The following CHCHD3 variants were observed in gnomAD, a reference collection of about 807,000 sequenced individuals.
CHCHD3 encodes the protein coiled-coil-helix-coiled-coil-helix domain containing 3.
A neutral mutation model predicts 38.2 loss-of-function variants in CHCHD3; 20 were observed. The observed-to-expected ratio is 0.52, with a 90% CI of 0.37 to 0.76. The LOEUF is 0.76. CHCHD3 is among the 30% of genes least tolerant of loss of function. The probability of loss-of-function intolerance (pLI) is 0.00; values close to 1 mark genes in which losing one functional copy is unlikely to be tolerated. For missense variants in CHCHD3, 245 were observed against 279.2 expected, an observed-to-expected ratio of 0.88 and a Z score of 0.87; for synonymous variants, 82 against 100.0, an observed-to-expected ratio of 0.82 and a Z score of 1.07.
At chr7:133,055,449 T>C (rs1344136005) in intron 2 of CHCHD3, among the ~76,000 whole-genome samples, 1 of 145,360 alleles carries the variant, frequency 6.9e-6, no homozygotes, top group Non-Finnish European at 1.5e-5. Context: ...GTATTTATTA[T>C]AATTAATTAT....
intron 6 of CHCHD3, among the ~76,000 whole-genome samples, chr7:132,822,219 T>C (rs1192090370): frequency 6.6e-6 from 1 of 152,204 alleles, no homozygotes; most frequent in African/African-American, 2.4e-5. Flanking sequence ...GAGGTATGGA[T>C]TGACATTTCT....
At chr7:132,845,079 G>A (rs1808042544) in intron 5 of CHCHD3, 1 of 152,194 alleles carries the variant, frequency 6.6e-6, no homozygotes, top group African/African-American at 2.4e-5. Flanking sequence ...AGTACAGCAT[G>A]GTGGTTAAGA....
chr7:132,973,878 T>C (rs936707273), intron 4 of CHCHD3: 3 of 1,176,510 alleles, frequency 2.5e-6, no homozygotes, highest in Middle Eastern at 2.4e-4. Context: ...CATTCCATGG[T>C]CCCATTTTCC....
At chr7:132,810,075 T>C (rs1807029054) in intron 6 of CHCHD3, among the ~76,000 whole-genome samples, 1 of 152,178 alleles carries the variant, frequency 6.6e-6, no homozygotes, top group Non-Finnish European at 1.5e-5. Context: ...GAAAAGAACT[T>C]AGAAGGTGAG....
chr7:132,845,048 C>T (rs964212563), intron 5 of CHCHD3: 1 of 152,156 alleles, frequency 6.6e-6, no homozygotes, highest in African/African-American at 2.4e-5. Flanking sequence ...GAACTCCGCA[C>T]TTAGGTGGGC....
At chr7:132,930,694 A>G (rs1029269407) in intron 4 of CHCHD3, among the ~76,000 whole-genome samples, 3 of 152,090 alleles carry the variant, frequency 2.0e-5, no homozygotes, top group Admixed American at 2.0e-4. Flanking sequence ...TCCTGTTATC[A>G]GCCCTCCCTC....
At chr7:132,786,358 C>A (rs947243923) in intron 7 of CHCHD3, among the ~76,000 whole-genome samples, 2 of 152,126 alleles carry the variant, frequency 1.3e-5, no homozygotes. Flanking sequence ...AGGGGGAGAA[C>A]GCAGATGTTC....
intron 7 of CHCHD3, 22 bp from the exon 8 acceptor site, chr7:132,785,682 T>G: frequency 6.2e-7 from 1 of 1,613,006 alleles, no homozygotes; most frequent in African/African-American, 1.3e-5. Flanking sequence ...ACAGAAAGAG[T>G]AAGTTTTACC....
chr7:132,811,785 T>C (rs1289651197), intron 6 of CHCHD3, among the ~76,000 whole-genome samples: 1 of 152,198 alleles, frequency 6.6e-6, no homozygotes, highest in Non-Finnish European at 1.5e-5. Context: ...CTCATTGTCT[T>C]CTAACTGATC....
At chr7:132,805,078 G>A (rs1207450753) in intron 6 of CHCHD3, among the ~76,000 whole-genome samples, 1 of 152,232 alleles carries the variant, frequency 6.6e-6, no homozygotes, top group African/African-American at 2.4e-5. Context: ...AATGTCATGT[G>A]GACATCAGAG....
intron 6 of CHCHD3, among the ~76,000 whole-genome samples, chr7:132,833,639 T>C (rs1807701317): frequency 6.6e-6 from 1 of 152,202 alleles, no homozygotes; most frequent in Non-Finnish European, 1.5e-5. Context: ...ACACAGGGGC[T>C]CTATGAATGA....
At chr7:132,961,283 C>A (rs903024734) in intron 4 of CHCHD3, among the ~76,000 whole-genome samples, 1 of 152,020 alleles carries the variant, frequency 6.6e-6, no homozygotes, top group Non-Finnish European at 1.5e-5. Context: ...CCCTGTCCCA[C>A]AAATATATTA....
chr7:132,993,615 C>G (rs1812338945), intron 3 of CHCHD3, among the ~76,000 whole-genome samples: 3 of 152,224 alleles, frequency 2.0e-5, no homozygotes, highest in Admixed American at 2.0e-4. Context: ...GAAGGATCCA[C>G]TAAGTGGTGG....
rs537670747 is a variant in CHCHD3 at position 132,984,972 on chromosome 7, C to A, written c.252-9686G>T. Among the ~76,000 whole-genome samples the A allele has an allele frequency of 9.9e-4, 73 of 73,584 alleles. 5 individuals carry two copies. Among genetic ancestry groups the A allele is most frequent in the African/African-American group, 3.4e-3 (66 of 19,334 alleles). The allele number at this position is 73,584 out of a possible 152,430, so 48.3% of individuals were successfully genotyped here. On this transcript the variant is annotated intron_variant, in intron 3 of 7. Coordinates refer to ENST00000262570, the MANE Select transcript of CHCHD3 (RefSeq NM_017812.4). ...GGGCGCCTCTGCCCGGCCGCCCCTA[C>A]TGGGAAGTGAGGAGTCCCTCTGCCC...
At chr7:132,996,763 C>CA (rs958035061) in intron 3 of CHCHD3, among the ~76,000 whole-genome samples, 3 of 152,120 alleles carry the variant, frequency 2.0e-5, no homozygotes, top group African/African-American at 7.2e-5. Context: ...GGAGTGTGCT[C>CA]ACCAGGCTTT....
rs537994502 is a variant in CHCHD3, at chr7:132,788,373, A to T, written c.661-2713T>A. ...CTTTGAGTTGTCATCTGCCTGGTCA[A>T]GATTACATAGCTGTACCCCTCTCTA... is the stretch of plus-strand genomic sequence containing the variant. On this transcript the variant is annotated intron_variant, in intron 7 of 7. Transcript: ENST00000262570. The surrounding 1 kb of genome is among the most constrained non-coding windows in gnomAD (Gnocchi z 4.0). 2.6e-5 allele frequency among the ~76,000 whole-genome samples: 4 copies of T among 152,200 alleles called. No homozygotes were observed. The highest frequency in any genetic ancestry group is 5.9e-5 in the Non-Finnish European group (4 of 68,044).
rs1814499220 is a variant in CHCHD3 at position 133,061,205 on chromosome 7, G to A, written c.169+8937C>T. Among the ~76,000 whole-genome samples, 4 of 152,062 alleles carry A rather than the reference G, an allele frequency of 2.6e-5. 1 individual carries two copies. In the South Asian group the frequency reaches 8.3e-4, roughly 32 times the overall value. Reference sequence around the variant, plus strand: ...ATGGCATGATTAGTTTCATGCTTTGGAAAGAAACTAGGGCTGCAGTGAGAA... The same window carrying A: ...ATGGCATGATTAGTTTCATGCTTTGAAAAGAAACTAGGGCTGCAGTGAGAA... On this transcript the variant is annotated intron_variant, in intron 2 of 7. Coordinates refer to ENST00000262570, the MANE Select transcript of CHCHD3 (RefSeq NM_017812.4).
intron 5 of CHCHD3, among the ~76,000 whole-genome samples, chr7:132,873,204 G>A (rs187881782): frequency 6.6e-6 from 1 of 152,178 alleles, no homozygotes; most frequent in Admixed American, 6.5e-5. Context: ...AGAGGGAGAG[G>A]CCATTGGTGA....
At chr7:132,859,877 G>A (rs1808438277) in intron 5 of CHCHD3, among the ~76,000 whole-genome samples, 1 of 152,140 alleles carries the variant, frequency 6.6e-6, no homozygotes, top group Non-Finnish European at 1.5e-5. Context: ...ACAACTCCCA[G>A]ATCTATATAC....
Sources: allele counts gnomAD v4.1 joint callset (sites outside exome capture counted in the v4.1 genomes callset), GRCh38; gene constraint gnomAD v4.1.1; non-coding constraint Gnocchi (gnomAD v3.1); transcripts MANE v1.5; gene names NCBI Gene and HGNC (gene_info 2026-07-23, HGNC 2026-07-21).